The following ATRNL1 variants were observed in gnomAD, a reference collection of about 807,000 sequenced individuals.
ATRNL1 encodes attractin-like protein 1.
A neutral mutation model predicts 182.7 loss-of-function variants in ATRNL1; 95 were observed. The observed-to-expected ratio is 0.52, with a 90% CI of 0.44 to 0.62. The LOEUF is 0.62. ATRNL1 is among the 20% of genes least tolerant of loss of function. The pLI is 0.00. For missense variants in ATRNL1, 1,471 were observed against 1,679.5 expected (o/e 0.88, Z 2.17); for synonymous variants, 576 against 568.3 (o/e 1.01, Z -0.19).
intron 25 of ATRNL1, among the ~76,000 whole-genome samples, chr10:115,533,234 G>T (rs1851714272): frequency 6.6e-6 from 1 of 151,774 alleles, no homozygotes; most frequent in East Asian, 1.9e-4. Flanking sequence ...TCTGGTCCTG[G>T]ACTCTTTTTG....
intron 10 of ATRNL1, among the ~76,000 whole-genome samples, chr10:115,255,682 G>A (rs564249000): frequency 1.3e-5 from 2 of 152,298 alleles, no homozygotes; most frequent in Admixed American, 6.5e-5. Flanking sequence ...ATGTTGAAGA[G>A]GAGTGGTGAG....
chr10:115,754,134 C>G (rs1376177529), intron 27 of ATRNL1, among the ~76,000 whole-genome samples: 1 of 152,172 alleles, frequency 6.6e-6, no homozygotes, highest in African/African-American at 2.4e-5. Flanking sequence ...CCTGCTCACT[C>G]TGATGATAGT....
intron 21 of ATRNL1, among the ~76,000 whole-genome samples, chr10:115,451,580 G>T (rs1554967636): frequency 6.6e-6 from 1 of 152,132 alleles, no homozygotes; most frequent in Non-Finnish European, 1.5e-5. Context: ...ATGCCAGTCA[G>T]AATGGATATT....
At chr10:115,780,899 G>A (rs372541302) in intron 27 of ATRNL1, among the ~76,000 whole-genome samples, 177 of 152,242 alleles carry the variant, frequency 1.2e-3, no homozygotes, top group African/African-American at 3.9e-3. Flanking sequence ...CAGCTGTGGC[G>A]GCTACAGTGA....
chr10:115,675,091 C>G (rs1945818119), intron 26 of ATRNL1, among the ~76,000 whole-genome samples: 1 of 152,102 alleles, frequency 6.6e-6, no homozygotes, highest in South Asian at 2.1e-4. Context: ...CATTTAAAAT[C>G]TCATGTTTAG....
At chr10:115,858,811 A>G (rs1555102769) in intron 28 of ATRNL1, among the ~76,000 whole-genome samples, 1 of 152,136 alleles carries the variant, frequency 6.6e-6, no homozygotes, top group African/African-American at 2.4e-5. Flanking sequence ...TTAATTGGTT[A>G]TGAATTAAAT....
chr10:115,644,486 G>A (rs1048852888), intron 26 of ATRNL1, among the ~76,000 whole-genome samples: 26 of 152,072 alleles, frequency 1.7e-4, no homozygotes, highest in Admixed American at 7.9e-4. Context: ...GCTCAAGGTC[G>A]CATAGCCCAA....
At chr10:115,495,840 T>G (rs912012705) in intron 24 of ATRNL1, among the ~76,000 whole-genome samples, 1 of 152,160 alleles carries the variant, frequency 6.6e-6, no homozygotes, top group Admixed American at 6.6e-5. Context: ...TTAGGTCCAC[T>G]TGATCAAATG....
At chr10:115,654,070 A>G (rs782208350) in intron 26 of ATRNL1, among the ~76,000 whole-genome samples, 13 of 152,180 alleles carry the variant, frequency 8.5e-5, no homozygotes, top group Non-Finnish European at 1.6e-4. Context: ...TAAATACAAT[A>G]TAAGCAGTCT....
At chr10:115,335,106 T>A (rs1401577199) in intron 19 of ATRNL1, among the ~76,000 whole-genome samples, 1 of 152,216 alleles carries the variant, frequency 6.6e-6, no homozygotes, top group Non-Finnish European at 1.5e-5. Context: ...CCTACTTTCC[T>A]CCATCTTCCT....
chr10:115,589,003 C>G (rs1855747339), intron 26 of ATRNL1, among the ~76,000 whole-genome samples: 2 of 152,056 alleles, frequency 1.3e-5, no homozygotes, highest in African/African-American at 4.8e-5. Flanking sequence ...TAAGTTATGA[C>G]TAACATTCCA....
intron 27 of ATRNL1, among the ~76,000 whole-genome samples, chr10:115,833,358 T>C (rs188754182): frequency 6.9e-4 from 105 of 152,282 alleles, no homozygotes; most frequent in African/African-American, 2.3e-3. Context: ...AAACTTGATT[T>C]TACTTTTCAC....
chr10:115,415,640 T>C (rs1845353368), intron 20 of ATRNL1, among the ~76,000 whole-genome samples: 2 of 151,982 alleles, frequency 1.3e-5, no homozygotes, highest in South Asian at 4.1e-4. Context: ...TCCTTTATTA[T>C]GTAAAGGTTT....
At chr10:115,620,325 A>G (rs1466401885) in intron 26 of ATRNL1, among the ~76,000 whole-genome samples, 1 of 152,284 alleles carries the variant, frequency 6.6e-6, no homozygotes, top group Admixed American at 6.5e-5. Flanking sequence ...TCATGACCCA[A>G]GCACCTCTCA....
intron 8 of ATRNL1, among the ~76,000 whole-genome samples, chr10:115,176,756 A>G (rs1428826334): frequency 6.6e-6 from 1 of 152,120 alleles, no homozygotes; most frequent in Admixed American, 6.6e-5. Context: ...TCAAAGAGAA[A>G]ATGTCAAGCA....
intron 28 of ATRNL1, among the ~76,000 whole-genome samples, chr10:115,873,986 C>G (rs1487212607): frequency 6.6e-6 from 1 of 152,194 alleles, no homozygotes; most frequent in Non-Finnish European, 1.5e-5. Flanking sequence ...AGGAATTACT[C>G]AAGACAGAAG....
At chr10:115,554,902 G>C (rs1395796953) in intron 26 of ATRNL1, among the ~76,000 whole-genome samples, 2 of 151,582 alleles carry the variant, frequency 1.3e-5, no homozygotes, top group Non-Finnish European at 3.0e-5. Flanking sequence ...TTTAGACCCA[G>C]TTACTTAGAC....
chr10:115,549,996 TTATC>T lies in ATRNL1; in HGVS notation c.3795+463_3795+466del, dbSNP rs149979848. On this transcript the variant is annotated intron_variant, in intron 26 of 28. Transcript: ENST00000355044. ...GAATCAAATCTTTTCCATTTTCTGA[TTATC>T]TAATAATCCAACTCTGTTTAAAGAG... Among the ~76,000 whole-genome samples, 1,228 of 151,988 alleles carry T rather than the reference TTATC, an allele frequency of 8.1e-3. 18 individuals carry two copies. The highest frequency in any genetic ancestry group is 0.028 in the African/African-American group (1,180 of 41,558).
chr10:115,284,425 G>T (rs1423327295), intron 14 of ATRNL1, among the ~76,000 whole-genome samples: 2 of 152,108 alleles, frequency 1.3e-5, no homozygotes, highest in African/African-American at 4.8e-5. Context: ...TGGTATTTTG[G>T]ATTTAAAAGG....
Sources: allele counts gnomAD v4.1 joint callset (sites outside exome capture counted in the v4.1 genomes callset), GRCh38; gene constraint gnomAD v4.1.1; transcripts MANE v1.5; gene names NCBI Gene and HGNC (gene_info 2026-07-23, HGNC 2026-07-21).